The following PRRC2B variants were observed in gnomAD, a reference collection of about 807,000 sequenced individuals.
PRRC2B encodes the protein proline rich coiled-coil 2B, also known as protein PRRC2B.
PRRC2B carries 68 observed loss-of-function variants against 242.3 expected under a neutral mutation model. The ratio of observed to expected loss-of-function variants is 0.28; its 90% CI spans 0.23 to 0.34. The LOEUF is 0.34. Among genes scored for constraint, PRRC2B ranks in the 10% least tolerant of loss-of-function variants. The pLI is 1.00. For synonymous variants in PRRC2B, 1,228 were observed against 1,173.6 expected, an observed-to-expected ratio of 1.05 and a Z score of -0.95; for missense variants, 2,835 against 2,954.8, an observed-to-expected ratio of 0.96 and a Z score of 0.94.
chr9:131,473,652 C>T lies in PRRC2B; in HGVS notation c.2252C>T (p.Ala751Val). The T allele has an allele frequency of 6.2e-7, 1 of 1,613,886 alleles. No homozygotes were observed. Among genetic ancestry groups the T allele is most frequent in the Non-Finnish European group, 8.5e-7 (1 of 1,179,876 alleles). The change falls in exon 15 of 32, where the codon GCA (alanine) becomes GTA (valine). Residue 751 changes from alanine to valine, a missense_variant. Ala to Val is a moderately conservative substitution (Grantham distance 64). Around this residue, in one of 7 missense-constraint regions of PRRC2B, gnomAD observed 1,536 missense variants for 1,483.1 expected, o/e 1.04. Transcript: ENST00000683519. ...GTGTGGAGCCCAGAGGGCTACATGG[C>T]ACTGCAGAGCAAGGGCTACCCGCTC... Reference protein sequence around the residue: ...PPVWSPEGYMALQSKGYPLPH... With the variant: ...PPVWSPEGYMVLQSKGYPLPH...
intron 9 of PRRC2B, among the ~76,000 whole-genome samples, chr9:131,449,574 T>C (rs1313776819): frequency 6.6e-6 from 1 of 152,250 alleles, no homozygotes; most frequent in Middle Eastern, 3.2e-3. Context: ...TGACAGCTGA[T>C]ATATTGTCCT....
In PRRC2B at chr9:131,432,732, C is replaced by T. The variant is rs370158269; in HGVS notation, c.231C>T (p.Ile77=). 1.8e-5 allele frequency: 29 copies of T among 1,613,918 alleles called. No individual in the cohort carries two copies. Among genetic ancestry groups the T allele is most frequent in the Non-Finnish European group, 2.3e-5 (27 of 1,179,906 alleles). ...AAAACAAAGGAAACGACCCCAACAT[C>T]GTGATAGTACCCAAGGACGGGACGG... The part of the protein sequence containing the change: ...KSENKGNDPN[I]VIVPKDGTGW... Residue 77 remains isoleucine (I), a synonymous_variant, in exon 3 of 32, where the codon ATC becomes ATT. Transcript: ENST00000683519.
intron 1 of PRRC2B, among the ~76,000 whole-genome samples, chr9:131,426,517 GGGA>G (rs1193979017): frequency 6.6e-6 from 1 of 152,040 alleles, no homozygotes; most frequent in African/African-American, 2.4e-5. Flanking sequence ...TTTGGGGAGT[GGGA>G]CAGCAACTCC....
At position 131,496,039 on chromosome 9, in the gene PRRC2B, C is replaced by CT. The variant is rs1448832986; in HGVS notation, c.*167dup. The CT allele has an allele frequency of 2.7e-5, 26 of 947,580 alleles. No homozygotes were observed. Among genetic ancestry groups the CT allele is most frequent in the Middle Eastern group, 3.3e-4 (1 of 2,990 alleles). 58.7% of individuals were successfully genotyped at this position (947,580 alleles called of 1,614,324 possible). A position where few individuals can be genotyped will look rare whatever the true frequency, so the allele number is the denominator to read the frequency against. ...TCCCGAAAGCTCCGTTGTCAACCAG[C>CT]TTGCACCCGTGGATATATGGCATTG... On this transcript the variant is annotated 3_prime_UTR_variant, in exon 32 of 32. Coordinates refer to ENST00000683519, the MANE Select transcript of PRRC2B (RefSeq NM_013318.4).
At chr9:131,413,043 T>C (rs942693626) in intron 1 of PRRC2B, among the ~76,000 whole-genome samples, 1 of 152,256 alleles carries the variant, frequency 6.6e-6, no homozygotes, top group African/African-American at 2.4e-5. Context: ...AGACCTGTGC[T>C]AACATTCTTA....
upstream of PRRC2B, among the ~76,000 whole-genome samples, chr9:131,389,357 ATG>A (rs1317101551): frequency 6.7e-6 from 1 of 148,238 alleles, no homozygotes; most frequent in African/African-American, 2.5e-5. Context: ...GGGTTTCTCC[ATG>A]TTGGTCAGGC....
chr9:131,410,091 C>T (rs1837467342), intron 1 of PRRC2B, among the ~76,000 whole-genome samples: 1 of 152,218 alleles, frequency 6.6e-6, no homozygotes, highest in African/African-American at 2.4e-5. Flanking sequence ...GTTCATCACT[C>T]ACCATATGTT....
intron 1 of PRRC2B, among the ~76,000 whole-genome samples, chr9:131,399,518 G>A (rs944949988): frequency 7.2e-5 from 11 of 152,170 alleles, no homozygotes; most frequent in South Asian, 4.1e-4. Flanking sequence ...GGCGGAGTTT[G>A]CAGTGAGCCG....
intron 28 of PRRC2B, 54 bp from the exon 29 acceptor site, chr9:131,491,371 T>C (rs932880449): frequency 3.4e-5 from 51 of 1,510,838 alleles, no homozygotes; most frequent in Non-Finnish European, 4.3e-5. Context: ...TTGGTGCGTT[T>C]GGGGTTTCTC....
chr9:131,468,695 G>A lies in PRRC2B; in HGVS notation c.1911+942G>A, dbSNP rs558726254. ...CTTAGTGCACACCAAACAGCAAGGT[G>A]TGCAGTAAATTATTACTAATATTAA... On this transcript the variant is annotated intron_variant, in intron 13 of 31. Transcript: ENST00000683519. Among the ~76,000 whole-genome samples, 252 of 152,270 alleles carry A rather than the reference G, an allele frequency of 1.7e-3. 1 individual carries two copies. The highest frequency in any genetic ancestry group is 5.8e-3 in the African/African-American group (240 of 41,556).
At position 131,474,911 on chromosome 9, in the gene PRRC2B, CAGCACCCGG is replaced by C. The variant is rs762208732; in HGVS notation, c.2787_2795del (p.His929_Glu931del). The stretch of plus-strand genomic sequence containing the variant: ...TCCCGAGCCCCGGAGCTCCAGCAGC[CAGCACCCGG>C]AGCAGACGGGCAGGACCCGGAGGTC... On this transcript the variant is annotated inframe_deletion, in exon 16 of 32. Transcript: ENST00000683519. 10 of 1,594,890 alleles carry C rather than the reference CAGCACCCGG, an allele frequency of 6.3e-6. No individual in the cohort carries two copies. The highest frequency in any genetic ancestry group is 3.5e-5 in the Admixed American group (2 of 56,712).
intron 1 of PRRC2B, among the ~76,000 whole-genome samples, chr9:131,379,403 C>T (rs991162761): frequency 1.3e-5 from 2 of 152,146 alleles, no homozygotes; most frequent in Non-Finnish European, 2.9e-5. Context: ...TTTACATTTC[C>T]ACCAACAATG....
chr9:131,483,143 C>A (rs1410162170), intron 22 of PRRC2B, among the ~76,000 whole-genome samples: 2 of 152,144 alleles, frequency 1.3e-5, no homozygotes, highest in Non-Finnish European at 2.9e-5. Context: ...CTGTTTCTGT[C>A]AGGCCACCCA....
intron 5 of PRRC2B, among the ~76,000 whole-genome samples, chr9:131,439,818 C>T (rs555907073): frequency 1.7e-4 from 26 of 151,998 alleles, no homozygotes; most frequent in Middle Eastern, 3.4e-3. Flanking sequence ...ATTGCAGCCT[C>T]GATCTCCCGG....
Position 131,444,221 on chromosome 9 carries a change from C to T in PRRC2B, c.506C>T (p.Pro169Leu), listed in dbSNP as rs775505345. The T allele has an allele frequency of 8.1e-6, 13 of 1,614,004 alleles. No individual in the cohort carries two copies. Among genetic ancestry groups the T allele is most frequent in the African/African-American group, 1.3e-5 (1 of 75,038 alleles). The stretch of plus-strand genomic sequence containing the variant: ...TCAAGCCGACTGTTATCCTTCTCTC[C>T]CGAGGAATTTCCGACGCTGAAAGCA... Reference protein sequence around the residue: ...RGSSRLLSFSPEEFPTLKAAG... With the variant: ...RGSSRLLSFSLEEFPTLKAAG... The change falls in exon 6 of 32, where the codon CCC becomes CTC. Residue 169 changes from proline (P) to leucine (L), a missense_variant. By Grantham distance (98) the Pro-to-Leu change is moderately conservative. Around this residue, in one of 7 missense-constraint regions of PRRC2B, gnomAD observed 626 missense variants for 685.5 expected, o/e 0.91. Transcript: ENST00000683519.
At chr9:131,432,214 C>T (rs140360566) in intron 2 of PRRC2B, among the ~76,000 whole-genome samples, 1 of 152,298 alleles carries the variant, frequency 6.6e-6, no homozygotes, top group Non-Finnish European at 1.5e-5. Context: ...CCTGTTCAGT[C>T]TTGTTTTGGA....
intron 3 of PRRC2B, 86 bp downstream of exon 3, chr9:131,432,880 C>G (rs1039413880): frequency 7.3e-7 from 1 of 1,369,408 alleles, no homozygotes; most frequent in Non-Finnish European, 1.0e-6. Context: ...TAACCCTAAC[C>G]CTTTGGCTAC....
At chr9:131,388,572 T>G (rs1836856496) in intron 1 of PRRC2B, among the ~76,000 whole-genome samples, 1 of 149,182 alleles carries the variant, frequency 6.7e-6, no homozygotes, top group Non-Finnish European at 1.5e-5. Context: ...TGAGACAGAG[T>G]CTTGCTCTGT....
chr9:131,384,679 A>G (rs1333928720), intron 1 of PRRC2B, among the ~76,000 whole-genome samples: 1 of 152,098 alleles, frequency 6.6e-6, no homozygotes, highest in East Asian at 1.9e-4. Context: ...CAGCCTCCCA[A>G]AGTGCTGGGA....
Sources: allele counts gnomAD v4.1 joint callset (sites outside exome capture counted in the v4.1 genomes callset), GRCh38; gene constraint gnomAD v4.1.1; regional missense constraint gnomAD v4.1.1; transcripts MANE v1.5; gene names NCBI Gene and HGNC (gene_info 2026-07-23, HGNC 2026-07-21).